Variants in ERC2 observed in about 807,000 individuals in gnomAD.
The protein encoded by ERC2 is ELKS/RAB6-interacting/CAST family member 2, also known as ERC protein 2.
In ERC2, 42 loss-of-function variants were observed where a neutral mutation model predicts 114.8. That is an observed-to-expected ratio of 0.37 (90% CI 0.29 to 0.47). ERC2 has a LOEUF of 0.47. Among genes scored for constraint, ERC2 ranks in the 20% least tolerant of loss-of-function variants. ERC2 has a pLI of 0.99. For missense variants in ERC2, 939 were observed against 1,150.7 expected, an observed-to-expected ratio of 0.82 and a Z score of 2.66; for synonymous variants, 454 against 425.5, an observed-to-expected ratio of 1.07 and a Z score of -0.82.
chr3:55,790,502 T>C (rs972216646), intron 14 of ERC2, among the ~76,000 whole-genome samples: 13 of 152,170 alleles, frequency 8.5e-5, no homozygotes, highest in Non-Finnish European at 1.6e-4. Flanking sequence ...ATTCTACTTG[T>C]GGGCTTCTTC....
At chr3:55,778,725 A>C (rs1049931877) in intron 14 of ERC2, among the ~76,000 whole-genome samples, 5 of 152,224 alleles carry the variant, frequency 3.3e-5, no homozygotes, top group Non-Finnish European at 7.3e-5. Flanking sequence ...TCATTAGCCC[A>C]TGCAAAGGAT....
At chr3:56,077,534 G>C (rs1193518593) in intron 7 of ERC2, among the ~76,000 whole-genome samples, 1 of 152,168 alleles carries the variant, frequency 6.6e-6, no homozygotes, top group African/African-American at 2.4e-5. Flanking sequence ...CAAAACATTT[G>C]CATTGGCAAA....
chr3:55,605,797 C>G (rs1461556821), intron 17 of ERC2, among the ~76,000 whole-genome samples: 1 of 152,202 alleles, frequency 6.6e-6, no homozygotes. Context: ...TAAAACTCAT[C>G]ATGGCTCATT....
At chr3:55,811,209 T>A (rs2059709651) in intron 14 of ERC2, among the ~76,000 whole-genome samples, 1 of 152,218 alleles carries the variant, frequency 6.6e-6, no homozygotes, top group African/African-American at 2.4e-5. Flanking sequence ...ACATCACAGA[T>A]TCTAGATCAA....
chr3:56,065,552 T>C (rs2076433980), intron 7 of ERC2, among the ~76,000 whole-genome samples: 1 of 152,008 alleles, frequency 6.6e-6, no homozygotes, highest in East Asian at 1.9e-4. Flanking sequence ...TTATTTTAGG[T>C]TCCAGGATAC....
chr3:55,560,142 C>G (rs1394464353), intron 17 of ERC2, among the ~76,000 whole-genome samples: 7 of 152,160 alleles, frequency 4.6e-5, no homozygotes, highest in African/African-American at 1.7e-4. Context: ...GGTGAGGAAC[C>G]CTGCAGACCT....
intron 14 of ERC2, among the ~76,000 whole-genome samples, chr3:55,842,057 ATGAAG>A (rs1293929090): frequency 1.3e-5 from 2 of 152,228 alleles, no homozygotes; most frequent in Non-Finnish European, 2.9e-5. Flanking sequence ...GCGTGAATGA[ATGAAG>A]TGAAGTAACT....
intron 4 of ERC2, among the ~76,000 whole-genome samples, chr3:56,161,899 G>A (rs533616212): frequency 5.5e-4 from 83 of 152,126 alleles, no homozygotes; most frequent in African/African-American, 1.9e-3. Flanking sequence ...TAATTGCTCT[G>A]GCTAGCACTT....
At chr3:56,355,815 C>T (rs1338616601) in intron 2 of ERC2, among the ~76,000 whole-genome samples, 1 of 152,144 alleles carries the variant, frequency 6.6e-6, no homozygotes, top group Admixed American at 6.5e-5. Flanking sequence ...CCCAGAATAA[C>T]TTGAAACCTT....
At chr3:56,465,419 T>C (rs1309429084) in intron 1 of ERC2, among the ~76,000 whole-genome samples, 1 of 151,946 alleles carries the variant, frequency 6.6e-6, no homozygotes, top group African/African-American at 2.4e-5. Flanking sequence ...AAAAATAAAA[T>C]AAAACAAGAC....
At chr3:56,119,230 A>G (rs2079435377) in intron 6 of ERC2, among the ~76,000 whole-genome samples, 1 of 152,332 alleles carries the variant, frequency 6.6e-6, no homozygotes, top group East Asian at 1.9e-4. Context: ...AGACCACACT[A>G]TCTGACATAA....
intron 14 of ERC2, among the ~76,000 whole-genome samples, chr3:55,812,930 T>C (rs531018217): frequency 6.6e-6 from 1 of 152,366 alleles, no homozygotes; most frequent in South Asian, 2.1e-4. Flanking sequence ...TCAAGTATCA[T>C]GGTGAAATTA....
chr3:55,628,792 A>G (rs1232330887), intron 17 of ERC2, among the ~76,000 whole-genome samples: 1 of 152,216 alleles, frequency 6.6e-6, no homozygotes, highest in East Asian at 1.9e-4. Flanking sequence ...AGCTGGTTGA[A>G]TCCAATGTGA....
chr3:56,335,723 G>A (rs560475093), intron 2 of ERC2, among the ~76,000 whole-genome samples: 3 of 152,260 alleles, frequency 2.0e-5, no homozygotes, highest in African/African-American at 7.2e-5. Context: ...ACAATAATTA[G>A]AAGGTGAGTT....
At chr3:56,451,418 T>C (rs1376132970) in intron 1 of ERC2, among the ~76,000 whole-genome samples, 1 of 150,948 alleles carries the variant, frequency 6.6e-6, no homozygotes, top group Non-Finnish European at 1.5e-5. Flanking sequence ...ATGGCTCCAA[T>C]GGGCAAATTA....
intron 14 of ERC2, among the ~76,000 whole-genome samples, chr3:55,773,453 A>G (rs539986836): frequency 1.8e-4 from 27 of 152,220 alleles, no homozygotes; most frequent in Non-Finnish European, 3.7e-4. Flanking sequence ...TTTAACACTT[A>G]TCACTATCAA....
chr3:56,104,370 C>T (rs1276139288), intron 6 of ERC2, among the ~76,000 whole-genome samples: 1 of 152,200 alleles, frequency 6.6e-6, no homozygotes, highest in Non-Finnish European at 1.5e-5. Flanking sequence ...TTGAACAATT[C>T]CAATTAGTTC....
At chr3:56,126,878 A>AAGGCAAGGCC (rs2079908127) in intron 6 of ERC2, among the ~76,000 whole-genome samples, 1 of 152,148 alleles carries the variant, frequency 6.6e-6, no homozygotes, top group South Asian at 2.1e-4. Flanking sequence ...AAGGCAAGGC[A>AAGGCAAGGCC]AGGCAAGAAG....
chr3:55,910,825 C>G (rs1317326614), intron 13 of ERC2, among the ~76,000 whole-genome samples: 1 of 152,178 alleles, frequency 6.6e-6, no homozygotes, highest in Non-Finnish European at 1.5e-5. Flanking sequence ...CTGTCAGTCT[C>G]TACAGTCTGA....
Sources: gnomAD v4.1 joint callset for allele counts (sites outside exome capture counted in the v4.1 genomes callset) on GRCh38, gnomAD v4.1.1 for gene constraint, MANE v1.5 for transcripts, NCBI Gene and HGNC (gene_info 2026-07-23, HGNC 2026-07-21) for gene names.